Variants in SHOC2 observed in about 807,000 individuals in gnomAD.
The protein encoded by SHOC2 is leucine-rich repeat protein SHOC-2.
Under a neutral mutation model 50.2 loss-of-function variants are expected in SHOC2, and 4 were observed. That is an observed-to-expected ratio of 0.08 (90% CI 0.04 to 0.18). SHOC2 has a LOEUF of 0.18. Ranked by LOEUF, SHOC2 falls within the 10% of genes least tolerant of loss-of-function variation. SHOC2 has a pLI of 1.00. For synonymous variants in SHOC2, 218 were observed against 244.5 expected (o/e 0.89, Z 1.01); for missense variants, 388 against 669.6 (o/e 0.58, Z 4.64).
In SHOC2 at chr10:110,964,859, C is replaced by T. The variant is rs1440037740; in HGVS notation, c.501C>T (p.Asn167=). 1.2e-6 allele frequency: 2 copies of T among 1,614,014 alleles called. No homozygotes were observed. Among genetic ancestry groups the T allele is most frequent in the East Asian group, 2.2e-5 (1 of 44,884 alleles). Residue 167 remains asparagine, a synonymous_variant, in exon 2 of 9, where the codon AAC becomes AAT. Coordinates refer to ENST00000369452, the MANE Select transcript of SHOC2 (RefSeq NM_007373.4). The surrounding 1 kb of genome is among the most constrained non-coding windows in gnomAD (Gnocchi z 4.9). ...CCAGTTTGCCTGACTCTCTTGATAA[C>T]TTGAAGAAGCTGCGGATGCTTGATT... The part of the protein sequence containing the change: ...SLTSLPDSLD[N]LKKLRMLDLR...
intron 3 of SHOC2, among the ~76,000 whole-genome samples, chr10:110,998,515 G>A (rs1381740381): frequency 6.6e-6 from 1 of 152,136 alleles, no homozygotes; most frequent in African/African-American, 2.4e-5. Flanking sequence ...TCTTTGCTAA[G>A]TGGTAGTTTT....
At chr10:110,928,409 C>A (rs1190511981) in intron 1 of SHOC2, among the ~76,000 whole-genome samples, 2 of 151,932 alleles carry the variant, frequency 1.3e-5, no homozygotes, top group African/African-American at 4.8e-5. Flanking sequence ...AAAAAAAGTT[C>A]ACTATTTACT....
rs1020324522 is a variant in SHOC2 at position 110,964,306 on chromosome 10, A to G, written c.-53A>G. 18 of 1,587,428 alleles carry G rather than the reference A, an allele frequency of 1.1e-5. 1 individual carries two copies. The highest frequency in any genetic ancestry group is 3.3e-4 in the Middle Eastern group (2 of 6,000). The stretch of plus-strand genomic sequence containing the variant: ...CTTTGTCTCTTCATCTTTGAATTCA[A>G]TTACTGGAAAATAAAAGGAGTTCAT... On this transcript the variant is annotated 5_prime_UTR_variant, in exon 2 of 9. Transcript: ENST00000369452. The surrounding 1 kb of genome is among the most constrained non-coding windows in gnomAD (Gnocchi z 4.9).
rs571704278 is a variant in SHOC2 at position 110,972,793 on chromosome 10, C to T, written c.703+7732C>T. Reference sequence around the variant, plus strand: ...TTGAGGCTGCAGTGAGCTGTGATCTCGCCACTGTAGTCCAGCCTGGGTGGC... The same window carrying T: ...TTGAGGCTGCAGTGAGCTGTGATCTTGCCACTGTAGTCCAGCCTGGGTGGC... On this transcript the variant is annotated intron_variant, in intron 2 of 8. Transcript: ENST00000369452. Among the ~76,000 whole-genome samples the T allele has an allele frequency of 6.0e-4, 91 of 152,102 alleles. 2 individuals carry two copies. Among genetic ancestry groups the T allele is most frequent in the East Asian group, 3.9e-4 (2 of 5,186 alleles).
At chr10:110,933,049 TATA>T in intron 1 of SHOC2, among the ~76,000 whole-genome samples, 1 of 152,204 alleles carries the variant, frequency 6.6e-6, no homozygotes, top group Admixed American at 6.5e-5. Flanking sequence ...AAGTAGTAGA[TATA>T]TTAAGTTCTT....
rs143690496 is a variant in SHOC2, at chr10:110,959,585, G to A, written c.-234-4540G>A. Among the ~76,000 whole-genome samples the A allele has an allele frequency of 4.3e-3, 655 of 152,230 alleles. 3 individuals carry two copies. The highest frequency in any genetic ancestry group is 7.7e-3 in the Non-Finnish European group (527 of 68,014). Reference sequence around the variant, plus strand: ...GACTGTTGCAGTGGCTTCCAAATTCGGCTCTACATAGAATCACCTGGAAAA... The same window carrying A: ...GACTGTTGCAGTGGCTTCCAAATTCAGCTCTACATAGAATCACCTGGAAAA... On this transcript the variant is annotated intron_variant, in intron 1 of 8. Coordinates refer to ENST00000369452, the MANE Select transcript of SHOC2 (RefSeq NM_007373.4).
intron 1 of SHOC2, among the ~76,000 whole-genome samples, chr10:110,950,307 A>G (rs956491263): frequency 3.4e-5 from 5 of 146,456 alleles, no homozygotes; most frequent in Admixed American, 6.8e-5. Flanking sequence ...AATAAAAAGG[A>G]ATAAATTTAA....
At chr10:110,975,338 G>A (rs10885071) in intron 2 of SHOC2, among the ~76,000 whole-genome samples, 16,327 of 151,956 alleles carry the variant, frequency 0.11, 962 homozygotes, top group Middle Eastern at 0.16. Flanking sequence ...TGTGTTTTTA[G>A]TAAAGACGGG....
intron 3 of SHOC2, among the ~76,000 whole-genome samples, chr10:110,991,241 T>C (rs1278839492): frequency 6.6e-6 from 1 of 152,214 alleles, no homozygotes; most frequent in Non-Finnish European, 1.5e-5. Context: ...GGTGGTGATA[T>C]ATGATACAGT....
At chr10:110,961,939 A>G (rs1036526954) in intron 1 of SHOC2, among the ~76,000 whole-genome samples, 1 of 152,058 alleles carries the variant, frequency 6.6e-6, no homozygotes, top group African/African-American at 2.4e-5. Context: ...GAACTTGATA[A>G]GCTTTTGTTG....
In SHOC2 at chr10:110,928,825, G is replaced by A. The variant is rs543213707; in HGVS notation, c.-235+9168G>A. The stretch of plus-strand genomic sequence containing the variant: ...TGGGAGGATGGCTGGAGCCTAGGAG[G>A]TGGAGGTTGCAGTGAGCCTAGATCT... On this transcript the variant is annotated intron_variant, in intron 1 of 8. Coordinates refer to ENST00000369452, the MANE Select transcript of SHOC2 (RefSeq NM_007373.4). Among the ~76,000 whole-genome samples, 175 of 152,266 alleles carry A rather than the reference G, an allele frequency of 1.1e-3. 1 individual carries two copies. The highest frequency in any genetic ancestry group is 3.9e-3 in the African/African-American group (160 of 41,544).
At chr10:110,958,050 C>T (rs79234314) in intron 1 of SHOC2, among the ~76,000 whole-genome samples, 2 of 152,200 alleles carry the variant, frequency 1.3e-5, no homozygotes, top group Non-Finnish European at 2.9e-5. Flanking sequence ...AAAAAAGATC[C>T]GTCTTCTCTA....
chr10:110,948,865 A>T (rs563520228), intron 1 of SHOC2, among the ~76,000 whole-genome samples: 4 of 152,336 alleles, frequency 2.6e-5, no homozygotes, highest in African/African-American at 9.6e-5. Flanking sequence ...GCAGCCCAGG[A>T]TGGCTTTGAA....
rs1204306036 is a variant in SHOC2 at position 111,011,925 on chromosome 10, A to C, written c.*107A>C. On this transcript the variant is annotated 3_prime_UTR_variant, in exon 9 of 9. Coordinates refer to ENST00000369452, the MANE Select transcript of SHOC2 (RefSeq NM_007373.4). ...GATATTGGTATATGGCAGATTTATA[A>C]AAATTGCATTATGTGTTTCTGCTAA... 3.3e-6 allele frequency: 3 copies of C among 922,320 alleles called. No homozygotes were observed. In the African/African-American group the frequency reaches 5.0e-5, roughly 15 times the overall value. The allele number at this position is 922,320 out of a possible 1,614,324, so 57.1% of individuals were successfully genotyped here. A position where few individuals can be genotyped will look rare whatever the true frequency, so the allele number is the denominator to read the frequency against.
chr10:110,937,038 G>C, intron 1 of SHOC2: 1 of 1,486,394 alleles, frequency 6.7e-7, no homozygotes. Context: ...CGTCGGAAAG[G>C]GTTGGTGTTC....
intron 3 of SHOC2, among the ~76,000 whole-genome samples, chr10:110,999,582 C>T (rs1590830482): frequency 6.6e-6 from 1 of 151,538 alleles, no homozygotes; most frequent in African/African-American, 2.4e-5. Context: ...ACTAAAAATA[C>T]AAAAATTAGC....
chr10:110,997,504 T>C (rs1210219421), intron 3 of SHOC2, among the ~76,000 whole-genome samples: 1 of 151,146 alleles, frequency 6.6e-6, no homozygotes, highest in Non-Finnish European at 1.5e-5. Flanking sequence ...GTTGAAATCA[T>C]ACAAAATGCA....
intron 2 of SHOC2, among the ~76,000 whole-genome samples, chr10:110,973,568 CAT>C (rs1847822142): frequency 6.6e-6 from 1 of 151,924 alleles, no homozygotes; most frequent in Non-Finnish European, 1.5e-5. Context: ...TGAGTTGAGA[CAT>C]GTTTCTTCCT....
chr10:110,991,707 T>C (rs1456536591), intron 3 of SHOC2, among the ~76,000 whole-genome samples: 1 of 152,242 alleles, frequency 6.6e-6, no homozygotes, highest in African/African-American at 2.4e-5. Flanking sequence ...GTGGGAAACT[T>C]TGACGTTTGG....
Sources: allele counts gnomAD v4.1 joint callset (sites outside exome capture counted in the v4.1 genomes callset), GRCh38; gene constraint gnomAD v4.1.1; non-coding constraint Gnocchi (gnomAD v3.1); transcripts MANE v1.5; gene names NCBI Gene and HGNC (gene_info 2026-07-23, HGNC 2026-07-21).